SLC44A5: variants seen among roughly 807,000 people sequenced by gnomAD.
SLC44A5 encodes choline transporter-like protein 5.
In SLC44A5, 57 loss-of-function variants were observed where a neutral mutation model predicts 101.8. That is an observed-to-expected ratio of 0.56 (90% CI 0.45 to 0.70). The LOEUF is 0.70. Ranked by LOEUF, SLC44A5 falls within the 30% of genes least tolerant of loss-of-function variation. The probability of loss-of-function intolerance (pLI) is 0.00; values close to 1 mark genes in which losing one functional copy is unlikely to be tolerated. For synonymous variants in SLC44A5, 281 were observed against 290.9 expected (o/e 0.97, Z 0.35); for missense variants, 737 against 853.1 (o/e 0.86, Z 1.70).
chr1:75,573,450 G>A (rs1323727454), intron 1 of SLC44A5, among the ~76,000 whole-genome samples: 1 of 152,096 alleles, frequency 6.6e-6, no homozygotes, highest in African/African-American at 2.4e-5. Flanking sequence ...AAGGATTGCA[G>A]TTTTTTATTC....
chr1:75,403,308 G>A (rs954246130), intron 2 of SLC44A5, among the ~76,000 whole-genome samples: 16 of 152,204 alleles, frequency 1.1e-4, no homozygotes, highest in African/African-American at 3.9e-4. Flanking sequence ...TGGCTCTGAA[G>A]AGAGCAGCAA....
At chr1:75,255,767 C>G (rs562006602) in intron 6 of SLC44A5, among the ~76,000 whole-genome samples, 1 of 152,222 alleles carries the variant, frequency 6.6e-6, no homozygotes, top group African/African-American at 2.4e-5. Context: ...ATTTTAAGTA[C>G]TTTCTAAAAG....
chr1:75,455,244 A>T (rs1666123203), intron 2 of SLC44A5, among the ~76,000 whole-genome samples: 1 of 152,010 alleles, frequency 6.6e-6, no homozygotes, highest in South Asian at 2.1e-4. Context: ...TCAGCAAGTC[A>T]ACAAAAATAA....
intron 1 of SLC44A5, among the ~76,000 whole-genome samples, chr1:75,550,741 G>A (rs987508556): frequency 6.6e-6 from 1 of 152,058 alleles, no homozygotes; most frequent in South Asian, 2.1e-4. Flanking sequence ...ACTGAATCAG[G>A]GAGAAGGAAG....
chr1:75,352,265 G>T (rs923151324), intron 3 of SLC44A5, among the ~76,000 whole-genome samples: 1 of 151,974 alleles, frequency 6.6e-6, no homozygotes, highest in Non-Finnish European at 1.5e-5. Context: ...ATAGGTCAAA[G>T]TGTGCCGTGG....
intron 8 of SLC44A5, among the ~76,000 whole-genome samples, chr1:75,242,273 A>G (rs905174707): frequency 6.6e-6 from 1 of 152,044 alleles, no homozygotes; most frequent in South Asian, 2.1e-4. Flanking sequence ...GACCAACAAT[A>G]ATAAAACCAG....
chr1:75,529,629 C>T (rs992853764), intron 2 of SLC44A5, among the ~76,000 whole-genome samples: 5 of 152,144 alleles, frequency 3.3e-5, no homozygotes, highest in Non-Finnish European at 7.4e-5. Context: ...GTCTACTTTT[C>T]TGTCTTAGTA....
intron 12 of SLC44A5, among the ~76,000 whole-genome samples, chr1:75,232,059 TGTA>T (rs1647622415): frequency 6.6e-6 from 1 of 152,182 alleles, no homozygotes; most frequent in South Asian, 2.1e-4. Flanking sequence ...GTCAGTTACA[TGTA>T]GTCTTATTTT....
the SLC44A5 span, among the ~76,000 whole-genome samples, chr1:75,639,835 T>G: frequency 6.6e-6 from 1 of 152,064 alleles, no homozygotes; most frequent in Non-Finnish European, 1.5e-5. Context: ...TCTCCTGATA[T>G]CTCTTAACCA....
chr1:75,477,196 G>C (rs1557826562), intron 2 of SLC44A5, among the ~76,000 whole-genome samples: 1 of 152,214 alleles, frequency 6.6e-6, no homozygotes, highest in African/African-American at 2.4e-5. Flanking sequence ...TGAGGGTCCT[G>C]TCTGTTAGAA....
At chr1:75,220,539 ATAAATT>A (rs1372769110) in intron 14 of SLC44A5, among the ~76,000 whole-genome samples, 7 of 152,050 alleles carry the variant, frequency 4.6e-5, no homozygotes, top group African/African-American at 1.4e-4. Context: ...TTTTTAAATT[ATAAATT>A]TAAATTATAT....
chr1:75,657,853 C>T, the SLC44A5 span, among the ~76,000 whole-genome samples: 5 of 152,114 alleles, frequency 3.3e-5, no homozygotes, highest in African/African-American at 1.2e-4. Flanking sequence ...CTCTATTATA[C>T]CACTCTGTTA....
chr1:75,438,717 G>C (rs530947920), intron 2 of SLC44A5, among the ~76,000 whole-genome samples: 2 of 152,036 alleles, frequency 1.3e-5, no homozygotes, highest in South Asian at 4.2e-4. Flanking sequence ...AAAAAGCCTG[G>C]GACTCTTTCT....
the SLC44A5 span, among the ~76,000 whole-genome samples, chr1:75,631,791 C>T: frequency 3.9e-5 from 6 of 152,064 alleles, no homozygotes; most frequent in South Asian, 1.0e-3. Context: ...CCTGCCTTGG[C>T]CCCCCAAAGC....
intron 2 of SLC44A5, among the ~76,000 whole-genome samples, chr1:75,537,033 A>AAAAAAAAAAAAAAATATATATATAT (rs35829590): frequency 2.6e-4 from 11 of 43,038 alleles, no homozygotes; most frequent in Non-Finnish European, 5.2e-4. Context: ...AAAAAAAAAA[A>AAAAAAAAAAAAAAATATATATATAT]ATATATATCT....
chr1:75,320,729 C>T (rs1324315313), intron 4 of SLC44A5, among the ~76,000 whole-genome samples: 1 of 152,130 alleles, frequency 6.6e-6, no homozygotes, highest in Admixed American at 6.6e-5. Flanking sequence ...AACTGCTTAA[C>T]ATTAAAGAGG....
At chr1:75,567,678 G>A (rs1232054416) in intron 1 of SLC44A5, among the ~76,000 whole-genome samples, 1 of 152,150 alleles carries the variant, frequency 6.6e-6, no homozygotes, top group Non-Finnish European at 1.5e-5. Context: ...TTTCACGGAT[G>A]TATGAAATAA....
intron 6 of SLC44A5, among the ~76,000 whole-genome samples, chr1:75,259,488 T>C (rs1341290059): frequency 6.7e-6 from 1 of 149,778 alleles, no homozygotes; most frequent in African/African-American, 2.5e-5. Flanking sequence ...GAAAAAAGAG[T>C]GAAGAGAAAT....
intron 3 of SLC44A5, among the ~76,000 whole-genome samples, chr1:75,372,884 A>G (rs1348389222): frequency 6.6e-6 from 1 of 152,240 alleles, no homozygotes; most frequent in Non-Finnish European, 1.5e-5. Context: ...TTTTAAATTG[A>G]CATTCAGTCC....
Sources: allele counts gnomAD v4.1 joint callset (sites outside exome capture counted in the v4.1 genomes callset), GRCh38; gene constraint gnomAD v4.1.1; transcripts MANE v1.5; gene names NCBI Gene and HGNC (gene_info 2026-07-23, HGNC 2026-07-21).